The following GPT2 variants were observed in gnomAD, a reference collection of about 807,000 sequenced individuals.
The protein encoded by GPT2 is alanine aminotransferase 2.
In GPT2, 30 loss-of-function variants were observed where a neutral mutation model predicts 56.9. That is an observed-to-expected ratio of 0.53 (90% CI 0.39 to 0.72). The LOEUF is 0.72. GPT2 is among the 30% of genes least tolerant of loss of function. The probability of loss-of-function intolerance (pLI) is 0.00; values close to 1 mark genes in which losing one functional copy is unlikely to be tolerated. For missense variants in GPT2, 542 were observed against 703.4 expected (o/e 0.77, Z 2.60); for synonymous variants, 271 against 283.1 (o/e 0.96, Z 0.43).
At chr16:46,926,130 C>CAA (rs57922941) in intron 10 of GPT2, among the ~76,000 whole-genome samples, 2 of 58,158 alleles carry the variant, frequency 3.4e-5, no homozygotes, top group Non-Finnish European at 3.3e-5. Context: ...GACTCTGTCT[C>CAA]AAAAAAAAAA....
intron 6 of GPT2, 60 bp downstream of exon 6, chr16:46,909,987 G>A: frequency 4.0e-6 from 6 of 1,514,996 alleles, no homozygotes; most frequent in Non-Finnish European, 5.3e-6. Context: ...TACACTGGCT[G>A]TCTAGAAACC....
intron 11 of GPT2, among the ~76,000 whole-genome samples, chr16:46,927,716 T>G (rs1248517643): frequency 6.6e-6 from 1 of 151,862 alleles, no homozygotes; most frequent in Non-Finnish European, 1.5e-5. Flanking sequence ...TTAGGCAAGG[T>G]TGTGGGTTGT....
At chr16:46,905,466 T>C (rs1417556170) in intron 4 of GPT2, among the ~76,000 whole-genome samples, 1 of 152,112 alleles carries the variant, frequency 6.6e-6, no homozygotes, top group East Asian at 1.9e-4. Context: ...GGGGGTGGTT[T>C]TTGCAGTAAC....
Position 46,922,297 on chromosome 16 carries a change from G to A in GPT2, c.1093G>A (p.Gly365Ser), listed in dbSNP as rs777615132. 2.5e-6 allele frequency: 4 copies of A among 1,614,156 alleles called. No homozygotes were observed. The highest frequency in any genetic ancestry group is 2.2e-5 in the South Asian group (2 of 91,078). The change falls in exon 9 of 12, where the codon GGC becomes AGC. Residue 365 changes from glycine to serine, a missense_variant. By Grantham distance (56) the Gly-to-Ser change is moderately conservative (BLOSUM62 0). Coordinates refer to ENST00000340124, the MANE Select transcript of GPT2 (RefSeq NM_133443.4). The part of the protein sequence containing the change: ...EVINLHPEIK[G>S]QLVKLLSVRL... ...GATCAACCTGCACCCTGAGATCAAG[G>A]GCCAGCTGGTGAAGCTGCTGTCGGT...
chr16:46,914,732 G>C (rs778462857), intron 6 of GPT2, among the ~76,000 whole-genome samples: 7 of 152,128 alleles, frequency 4.6e-5, no homozygotes, highest in Non-Finnish European at 7.4e-5. Flanking sequence ...CAGGGCAGAC[G>C]ATGAGCGGGG....
intron 9 of GPT2, among the ~76,000 whole-genome samples, chr16:46,923,351 G>A (rs1016343179): frequency 6.6e-6 from 1 of 152,266 alleles, no homozygotes; most frequent in East Asian, 1.9e-4. Context: ...CCAACTACTC[G>A]GGAGGCTGAG....
intron 7 of GPT2, among the ~76,000 whole-genome samples, chr16:46,918,392 A>C (rs962945758): frequency 6.6e-6 from 1 of 152,124 alleles, no homozygotes; most frequent in African/African-American, 2.4e-5. Flanking sequence ...AGTGTGAGAG[A>C]AATCAAGTGA....
intron 3 of GPT2, 30 bp downstream of exon 3, chr16:46,897,767 G>T: frequency 6.2e-7 from 1 of 1,605,078 alleles, no homozygotes; most frequent in Non-Finnish European, 8.5e-7. Flanking sequence ...AGAGGCTGCA[G>T]GAGGGCAGGG....
intron 2 of GPT2, among the ~76,000 whole-genome samples, chr16:46,892,660 G>A (rs1960607394): frequency 6.6e-6 from 1 of 152,146 alleles, no homozygotes; most frequent in Non-Finnish European, 1.5e-5. Flanking sequence ...GCTTTGAATT[G>A]TGTTTGATTA....
At chr16:46,907,954 G>C (rs1460898298) in intron 5 of GPT2, among the ~76,000 whole-genome samples, 1 of 151,864 alleles carries the variant, frequency 6.6e-6, no homozygotes, top group Non-Finnish European at 1.5e-5. Context: ...GGGCTTGGGG[G>C]ACTGGTGGAG....
intron 8 of GPT2, 152 bp downstream of exon 8, chr16:46,918,909 G>A (rs941916476): frequency 2.2e-5 from 21 of 955,222 alleles, no homozygotes; most frequent in South Asian, 9.8e-5. Context: ...TGGGAGAGCC[G>A]TGGTGTGAGA....
At chr16:46,925,443 G>C (rs556060580) in intron 10 of GPT2, among the ~76,000 whole-genome samples, 1 of 151,982 alleles carries the variant, frequency 6.6e-6, no homozygotes, top group Non-Finnish European at 1.5e-5. Flanking sequence ...GGATGGTGTC[G>C]ATCTCCTGAC....
chr16:46,916,464 A>G (rs1001527383), intron 6 of GPT2, 164 bp from the exon 7 acceptor site: 21 of 656,280 alleles, frequency 3.2e-5, no homozygotes, highest in South Asian at 2.7e-4. Flanking sequence ...GAGGCCGACT[A>G]CACCATCATG....
intron 8 of GPT2, among the ~76,000 whole-genome samples, chr16:46,921,998 G>A (rs1339090565): frequency 6.6e-6 from 1 of 152,232 alleles, no homozygotes; most frequent in Non-Finnish European, 1.5e-5. Context: ...GGTTGAGGCT[G>A]CAGTGAGCTA....
At chr16:46,923,203 T>G (rs904023718) in intron 9 of GPT2, among the ~76,000 whole-genome samples, 1 of 152,192 alleles carries the variant, frequency 6.6e-6, no homozygotes, top group African/African-American at 2.4e-5. Flanking sequence ...GGCTCATGCC[T>G]GTAATCCAAG....
intron 2 of GPT2, among the ~76,000 whole-genome samples, chr16:46,893,741 C>A (rs1171790351): frequency 2.0e-5 from 3 of 152,176 alleles, no homozygotes; most frequent in Non-Finnish European, 4.4e-5. Context: ...GAAGGACCTT[C>A]CGTGCATCTG....
intron 6 of GPT2, 35 bp downstream of exon 6, chr16:46,909,962 G>A (rs77435714): frequency 0.018 from 27,577 of 1,554,418 alleles, 306 homozygotes; most frequent in Non-Finnish European, 0.022. Flanking sequence ...TTTCGTAGAG[G>A]GTGGGGGTGG....
intron 2 of GPT2, among the ~76,000 whole-genome samples, chr16:46,897,218 C>G (rs1429826170): frequency 1.3e-5 from 2 of 152,096 alleles, no homozygotes; most frequent in African/African-American, 4.8e-5. Flanking sequence ...CTACTAAATA[C>G]AAAAATTAGC....
At chr16:46,886,009 T>G (rs1330746868) in intron 2 of GPT2, among the ~76,000 whole-genome samples, 1 of 152,110 alleles carries the variant, frequency 6.6e-6, no homozygotes, top group East Asian at 1.9e-4. Flanking sequence ...TGACACTTGG[T>G]CCCATTCCAG....
Sources: gnomAD v4.1 joint callset for allele counts (sites outside exome capture counted in the v4.1 genomes callset) on GRCh38, gnomAD v4.1.1 for gene constraint, MANE v1.5 for transcripts, NCBI Gene and HGNC (gene_info 2026-07-23, HGNC 2026-07-21) for gene names.